The following SMARCC1 variants were observed in gnomAD, a reference collection of about 807,000 sequenced individuals.
SMARCC1 encodes the protein SWI/SNF complex subunit SMARCC1.
In SMARCC1, 43 loss-of-function variants were observed where a neutral mutation model predicts 147.4. The observed-to-expected ratio is 0.29, with a 90% CI of 0.23 to 0.38. SMARCC1 has a LOEUF of 0.38. Among genes scored for constraint, SMARCC1 ranks in the 10% least tolerant of loss-of-function variants. The pLI, the probability that SMARCC1 is intolerant of heterozygous loss-of-function variation, is 1.00. For missense variants in SMARCC1, 1,119 were observed against 1,381.1 expected (o/e 0.81, Z 3.01); for synonymous variants, 495 against 484.4 (o/e 1.02, Z -0.29).
intron 11 of SMARCC1, among the ~76,000 whole-genome samples, chr3:47,699,619 T>C (rs2033894281): frequency 6.6e-6 from 1 of 152,110 alleles, no homozygotes; most frequent in African/African-American, 2.4e-5. Flanking sequence ...TCTATATGTC[T>C]ATACATAGGT....
At chr3:47,609,941 T>C in intron 26 of SMARCC1, 125 bp downstream of exon 26, 1 of 1,023,548 alleles carries the variant, frequency 9.8e-7, no homozygotes, top group Non-Finnish European at 1.4e-6. Flanking sequence ...TACAATTTTC[T>C]AGATGACAAT....
intron 10 of SMARCC1, among the ~76,000 whole-genome samples, chr3:47,704,396 T>C (rs777175853): frequency 1.1e-4 from 17 of 152,218 alleles, no homozygotes; most frequent in East Asian, 1.9e-4. Flanking sequence ...TTAAAGTACA[T>C]GCATACATAT....
intron 25 of SMARCC1, among the ~76,000 whole-genome samples, chr3:47,619,915 TCAA>T (rs912547879): frequency 1.3e-5 from 2 of 152,154 alleles, no homozygotes; most frequent in African/African-American, 4.8e-5. Context: ...CATGAGGAGT[TCAA>T]CAGAGGACTT....
At chr3:47,716,415 CAAA>C (rs776727634) in intron 7 of SMARCC1, among the ~76,000 whole-genome samples, 2 of 51,938 alleles carry the variant, frequency 3.9e-5, no homozygotes, top group Admixed American at 2.4e-4. Flanking sequence ...GACTCCATCT[CAAA>C]AAAAAAAAAA....
chr3:47,704,454 A>G (rs759901943), intron 10 of SMARCC1, among the ~76,000 whole-genome samples: 1 of 152,190 alleles, frequency 6.6e-6, no homozygotes, highest in Admixed American at 6.5e-5. Flanking sequence ...AGTAGAGGGT[A>G]TATGTCACCA....
chr3:47,727,159 G>T (rs1281378836), intron 6 of SMARCC1, among the ~76,000 whole-genome samples: 1 of 151,668 alleles, frequency 6.6e-6, no homozygotes, highest in Admixed American at 6.6e-5. Context: ...GCTGCAGTGC[G>T]CCAAGATGAC....
rs1559642210 is a variant in SMARCC1 at position 47,676,800 on chromosome 3, G to C, written c.1572-18C>G. The C allele has an allele frequency of 6.2e-6, 10 of 1,608,564 alleles. No homozygotes were observed. Among genetic ancestry groups the C allele is most frequent in the Admixed American group, 3.4e-5 (2 of 59,172 alleles). ...CATGGACCCTAAAGAATAAAGCTCG[G>C]AAAGTTAAAATCTAAAGAATCAACT... On this transcript the variant is annotated intron_variant, in intron 16 of 27. Coordinates refer to ENST00000254480, the MANE Select transcript of SMARCC1 (RefSeq NM_003074.4).
At chr3:47,651,871 G>A (rs1480852227) in intron 21 of SMARCC1, among the ~76,000 whole-genome samples, 1 of 152,204 alleles carries the variant, frequency 6.6e-6, no homozygotes, top group Non-Finnish European at 1.5e-5. Flanking sequence ...ACAAAGAAAT[G>A]ATGTGATAAT....
chr3:47,768,007 T>C (rs2034862018), intron 2 of SMARCC1, among the ~76,000 whole-genome samples: 1 of 151,910 alleles, frequency 6.6e-6, no homozygotes, highest in African/African-American at 2.4e-5. Flanking sequence ...ACCCAGATAA[T>C]TTTTCTTGTA....
chr3:47,761,152 A>AAAAGAAAAGG (rs1442920262), intron 2 of SMARCC1, among the ~76,000 whole-genome samples: 1 of 151,650 alleles, frequency 6.6e-6, no homozygotes, highest in Non-Finnish European at 1.5e-5. Context: ...AAAAGAAAAG[A>AAAAGAAAAGG]AAAGCCAGGC....
At chr3:47,746,766 T>G (rs1210394093) in intron 2 of SMARCC1, among the ~76,000 whole-genome samples, 4 of 150,364 alleles carry the variant, frequency 2.7e-5, no homozygotes, top group Non-Finnish European at 4.4e-5. Flanking sequence ...ATTTTGCTTT[T>G]GTTGCCCAGG....
At chr3:47,691,327 G>C (rs1375689864) in intron 12 of SMARCC1, among the ~76,000 whole-genome samples, 1 of 152,158 alleles carries the variant, frequency 6.6e-6, no homozygotes, top group Non-Finnish European at 1.5e-5. Flanking sequence ...TAAAACAACA[G>C]CTCTGGTCAG....
intron 25 of SMARCC1, among the ~76,000 whole-genome samples, chr3:47,617,791 GCTTT>G (rs1369708376): frequency 6.6e-6 from 1 of 152,196 alleles, no homozygotes; most frequent in Non-Finnish European, 1.5e-5. Context: ...CAACGATCCT[GCTTT>G]CTAATATTTA....
chr3:47,747,332 G>A (rs570683355), intron 2 of SMARCC1, among the ~76,000 whole-genome samples: 1 of 151,882 alleles, frequency 6.6e-6, no homozygotes, highest in East Asian at 1.9e-4. Flanking sequence ...CAGCTACTGG[G>A]AGGCTGAGGT....
chr3:47,753,324 CCA>C (rs2034648848), intron 2 of SMARCC1, among the ~76,000 whole-genome samples: 1 of 112,648 alleles, frequency 8.9e-6, no homozygotes. Context: ...GACTCCATCT[CCA>C]AAAAAAAAAA....
At position 47,748,452 on chromosome 3, in the gene SMARCC1, G is replaced by T. The variant is rs575126106; in HGVS notation, c.316-2459C>A. ...TTGGCCAAGCTGATATGAAACTCTTGATCTCAAGTGATCCGCCCACCTTGG... is the reference window on the plus strand; with the variant it reads ...TTGGCCAAGCTGATATGAAACTCTTTATCTCAAGTGATCCGCCCACCTTGG... On this transcript the variant is annotated intron_variant, in intron 2 of 27. Coordinates refer to ENST00000254480, the MANE Select transcript of SMARCC1 (RefSeq NM_003074.4). 3.4e-4 allele frequency among the ~76,000 whole-genome samples: 51 copies of T among 152,186 alleles called. No individual in the cohort carries two copies. The South Asian group carries it at 1.0e-2, about 30-fold the overall frequency.
At chr3:47,692,351 G>A (rs1056539426) in intron 12 of SMARCC1, among the ~76,000 whole-genome samples, 1 of 152,180 alleles carries the variant, frequency 6.6e-6, no homozygotes, top group African/African-American at 2.4e-5. Context: ...TACTAGGAAA[G>A]GATGATGTCA....
intron 21 of SMARCC1, among the ~76,000 whole-genome samples, chr3:47,652,502 C>A (rs989821318): frequency 6.6e-6 from 1 of 151,938 alleles, no homozygotes; most frequent in Admixed American, 6.6e-5. Flanking sequence ...ACAAATTTTA[C>A]TTCTGGCAGC....
chr3:47,636,258 A>C (rs1163889037), intron 22 of SMARCC1, 122 bp from the exon 23 acceptor site: 2 of 618,628 alleles, frequency 3.2e-6, no homozygotes, highest in Non-Finnish European at 5.7e-6. Context: ...GACTAGATTC[A>C]AAAGTGACTT....
Sources: allele counts gnomAD v4.1 joint callset (sites outside exome capture counted in the v4.1 genomes callset), GRCh38; gene constraint gnomAD v4.1.1; transcripts MANE v1.5; gene names NCBI Gene and HGNC (gene_info 2026-07-23, HGNC 2026-07-21).